The following CPAMD8 variants were observed in gnomAD, a reference collection of about 807,000 sequenced individuals.
CPAMD8 encodes C3 and PZP like alpha-2-macroglobulin domain containing 8.
Under a neutral mutation model 224.7 loss-of-function variants are expected in CPAMD8, and 146 were observed. The observed-to-expected ratio is 0.65, with a 90% CI of 0.57 to 0.75. The LOEUF is 0.75. CPAMD8 is among the 30% of genes least tolerant of loss of function. The probability of loss-of-function intolerance (pLI) is 0.00; values close to 1 mark genes in which losing one functional copy is unlikely to be tolerated. For missense variants in CPAMD8, 2,301 were observed against 2,537.5 expected (o/e 0.91, Z 2.00); for synonymous variants, 966 against 1,044.6 (o/e 0.92, Z 1.45).
intron 2 of CPAMD8, among the ~76,000 whole-genome samples, chr19:17,021,746 A>G (rs2056962599): frequency 6.6e-6 from 1 of 152,234 alleles, no homozygotes; most frequent in Admixed American, 6.5e-5. Context: ...CCTCTGGTCA[A>G]AGCTGACACA....
chr19:16,899,607 C>T lies in CPAMD8; in HGVS notation c.4774-58G>A. The T allele has an allele frequency of 1.2e-6, 1 of 837,888 alleles. No homozygotes were observed. Among genetic ancestry groups the T allele is most frequent in the Non-Finnish European group, 2.1e-6 (1 of 475,264 alleles). 51.9% of individuals were successfully genotyped at this position (837,888 alleles called of 1,614,324 possible). On this transcript the variant is annotated intron_variant, in intron 36 of 41. Coordinates refer to ENST00000443236, the MANE Select transcript of CPAMD8 (RefSeq NM_015692.5). The surrounding 1 kb of genome is among the most constrained non-coding windows in gnomAD (Gnocchi z 5.4). ...ACTCTCTACTTGCTTCCTCTCCCAT[C>T]CCCTGGGGGCAGTGGTCAGTGGGAT...
chr19:16,896,145 C>T, intron 41 of CPAMD8, 31 bp downstream of exon 41: 3 of 1,612,244 alleles, frequency 1.9e-6, no homozygotes, highest in Non-Finnish European at 2.5e-6. Context: ...GAGCCTATGT[C>T]TCTTATCTCT....
intron 3 of CPAMD8, among the ~76,000 whole-genome samples, chr19:17,017,876 C>CA (rs1202543445): frequency 1.3e-5 from 2 of 151,870 alleles, no homozygotes; most frequent in East Asian, 1.9e-4. Flanking sequence ...ATTAAAAATA[C>CA]AAAAAAATTA....
At chr19:16,910,078 C>G (rs2052667266) in intron 29 of CPAMD8, among the ~76,000 whole-genome samples, 1 of 152,112 alleles carries the variant, frequency 6.6e-6, no homozygotes, top group Admixed American at 6.5e-5. Context: ...TCTCGGACTC[C>G]TGGACCCATG....
intron 29 of CPAMD8, 124 bp downstream of exon 29, chr19:16,914,300 A>T (rs9789256): frequency 1.4e-6 from 1 of 718,426 alleles, no homozygotes; most frequent in South Asian, 1.7e-5. Context: ...AGCATGAAAA[A>T]GCCTCGATAA....
chr19:16,953,652 C>CAAAAAAAAAAAAAAAAAAAA, intron 19 of CPAMD8, among the ~76,000 whole-genome samples: 1 of 94,366 alleles, frequency 1.1e-5, no homozygotes, highest in Non-Finnish European at 2.4e-5. Context: ...GACCTTGTCT[C>CAAAAAAAAAAAAAAAAAAAA]AAAAAAAAAA....
intron 16 of CPAMD8, 100 bp downstream of exon 16, chr19:16,975,902 T>C (rs1404793014): frequency 8.0e-7 from 1 of 1,247,516 alleles, no homozygotes; most frequent in Admixed American, 3.1e-5. Context: ...TGGATTCAAA[T>C]GCCACTCTTC....
intron 17 of CPAMD8, 45 bp downstream of exon 17, chr19:16,975,052 G>A (rs759790666): frequency 8.2e-6 from 13 of 1,579,778 alleles, no homozygotes; most frequent in Non-Finnish European, 1.1e-5. Flanking sequence ...CTAGGCAAGA[G>A]GAACTTAGAA....
In CPAMD8 at chr19:17,008,385, C is replaced by G. The variant is rs1467781046; in HGVS notation, c.559+120G>C. 8.6e-6 allele frequency: 11 copies of G among 1,285,884 alleles called. No homozygotes were observed. The African/African-American group carries it at 1.6e-4, about 19-fold the overall frequency. The allele number at this position is 1,285,884 out of a possible 1,614,324, so 79.7% of individuals were successfully genotyped here. A position where few individuals can be genotyped will look rare whatever the true frequency, so the allele number is the denominator to read the frequency against. On this transcript the variant is annotated intron_variant, in intron 7 of 41. Coordinates refer to ENST00000443236, the MANE Select transcript of CPAMD8 (RefSeq NM_015692.5). ...TACCTGCCCTCCGCTCCTCCTTGGT[C>G]CCCTCCAGCTGGAGCAGCAGTGGGG... is the stretch of plus-strand genomic sequence containing the variant.
At chr19:16,920,955 G>A (rs1239545656) in intron 27 of CPAMD8, among the ~76,000 whole-genome samples, 3 of 151,794 alleles carry the variant, frequency 2.0e-5, no homozygotes, top group African/African-American at 7.3e-5. Context: ...GCCAGCTTTT[G>A]GAGAGTGACT....
At chr19:16,949,792 C>A (rs1309604900) in intron 20 of CPAMD8, among the ~76,000 whole-genome samples, 4 of 152,178 alleles carry the variant, frequency 2.6e-5, no homozygotes, top group Admixed American at 2.0e-4. Flanking sequence ...GCCCCGATGC[C>A]TGACTCAAAC....
chr19:16,931,331 C>T (rs1004421779), intron 23 of CPAMD8, among the ~76,000 whole-genome samples: 2 of 152,216 alleles, frequency 1.3e-5, no homozygotes, highest in Non-Finnish European at 2.9e-5. Context: ...ACAGCCGGCA[C>T]CTGAGCGCTC....
At chr19:16,942,236 C>A (rs188826267) in intron 22 of CPAMD8, among the ~76,000 whole-genome samples, 1 of 151,984 alleles carries the variant, frequency 6.6e-6, no homozygotes, top group Non-Finnish European at 1.5e-5. Flanking sequence ...CCGAGGCGGG[C>A]GGGTCACCTG....
At chr19:16,928,358 G>T (rs1425358785) in intron 24 of CPAMD8, 124 bp from the exon 25 acceptor site, 15 of 689,786 alleles carry the variant, frequency 2.2e-5, no homozygotes, top group Non-Finnish European at 3.4e-5. Context: ...TGCAAGGAAG[G>T]GTCTTCGGGG....
At position 16,914,111 on chromosome 19, in the gene CPAMD8, G is replaced by A. The variant is rs548542272; in HGVS notation, c.3861+313C>T. On this transcript the variant is annotated intron_variant, in intron 29 of 41. Coordinates refer to ENST00000443236, the MANE Select transcript of CPAMD8 (RefSeq NM_015692.5). ...GGTCACTGGCCAGGAACCTGAACTA[G>A]CCTGAAATGATTCTCTGAAGGAGGT... Among the ~76,000 whole-genome samples, 3 of 152,226 alleles carry A rather than the reference G, an allele frequency of 2.0e-5. No individual in the cohort carries two copies. In the East Asian group the frequency reaches 5.8e-4, roughly 29 times the overall value.
chr19:16,988,111 C>T (rs1349573231), intron 13 of CPAMD8, among the ~76,000 whole-genome samples: 2 of 152,170 alleles, frequency 1.3e-5, no homozygotes, highest in Non-Finnish European at 2.9e-5. Flanking sequence ...ATGGCAGACA[C>T]GGCTCTAAAT....
In CPAMD8 at chr19:17,017,936, G is replaced by A. The variant is rs528821182; in HGVS notation, c.267+2395C>T. 3.2e-4 allele frequency among the ~76,000 whole-genome samples: 49 copies of A among 152,096 alleles called. 1 individual carries two copies. In the South Asian group the frequency reaches 7.7e-3, roughly 24 times the overall value. On this transcript the variant is annotated intron_variant, in intron 3 of 41. Coordinates refer to ENST00000443236, the MANE Select transcript of CPAMD8 (RefSeq NM_015692.5). ...TAATCCCAGCTACTGGGGAGGCTGA[G>A]GCAGGAGAATCACTTGAACCCAGGA...
chr19:16,914,551 C>A (rs1182918069), intron 28 of CPAMD8, 53 bp from the exon 29 acceptor site: 1 of 1,608,608 alleles, frequency 6.2e-7, no homozygotes, highest in Non-Finnish European at 8.5e-7. Context: ...AGTCCACTTC[C>A]CCCCACTTCC....
At chr19:17,012,162 G>A (rs1305825554) in intron 3 of CPAMD8, among the ~76,000 whole-genome samples, 1 of 151,864 alleles carries the variant, frequency 6.6e-6, no homozygotes, top group Non-Finnish European at 1.5e-5. Context: ...GGGATTACAG[G>A]TGTGTGTCAC....
Sources: allele counts gnomAD v4.1 joint callset (sites outside exome capture counted in the v4.1 genomes callset), GRCh38; gene constraint gnomAD v4.1.1; non-coding constraint Gnocchi (gnomAD v3.1); transcripts MANE v1.5; gene names NCBI Gene and HGNC (gene_info 2026-07-23, HGNC 2026-07-21).